Variants in TFDP2 observed in about 807,000 individuals in gnomAD.
The protein encoded by TFDP2 is transcription factor Dp-2, also known as transcription factor Dp-2 (E2F dimerization partner 2).
TFDP2 carries 17 observed loss-of-function variants against 59.3 expected under a neutral mutation model. The ratio of observed to expected loss-of-function variants is 0.29; its 90% CI spans 0.20 to 0.43. TFDP2 has a LOEUF of 0.43. Among genes scored for constraint, TFDP2 ranks in the 20% least tolerant of loss-of-function variants. The probability of loss-of-function intolerance (pLI) is 1.00; values close to 1 mark genes in which losing one functional copy is unlikely to be tolerated. For synonymous variants in TFDP2, 180 were observed against 194.7 expected (o/e 0.92, Z 0.63); for missense variants, 391 against 528.8 (o/e 0.74, Z 2.56).
chr3:141,957,660 C>G (rs963867366), intron 11 of TFDP2, among the ~76,000 whole-genome samples: 1 of 152,112 alleles, frequency 6.6e-6, no homozygotes, highest in African/African-American at 2.4e-5. Flanking sequence ...ACTGATGGTG[C>G]TACAACATGA....
intron 3 of TFDP2, among the ~76,000 whole-genome samples, chr3:142,050,599 G>A (rs554245066): frequency 6.6e-6 from 1 of 152,162 alleles, no homozygotes; most frequent in East Asian, 1.9e-4. Context: ...GGGAGGCTGA[G>A]GCAGGGGAAT....
At chr3:142,044,199 G>A (rs983389622) in intron 3 of TFDP2, 2 of 386,768 alleles carry the variant, frequency 5.2e-6, no homozygotes, top group Non-Finnish European at 9.4e-6. Context: ...GCATACTCAT[G>A]GCTGCGGCGG....
intron 3 of TFDP2, among the ~76,000 whole-genome samples, chr3:142,054,667 C>T (rs2108498636): frequency 6.6e-6 from 1 of 152,058 alleles, no homozygotes; most frequent in East Asian, 1.9e-4. Flanking sequence ...ATGAAGTCAA[C>T]ATACCTAGGT....
At chr3:141,977,158 C>T (rs1283974715) in intron 7 of TFDP2, among the ~76,000 whole-genome samples, 47 of 131,450 alleles carry the variant, frequency 3.6e-4, no homozygotes, top group African/African-American at 1.2e-3. Flanking sequence ...CTTGCTTTGC[C>T]GCCCAGGCTG....
At chr3:142,125,453 C>T (rs1438935594) in intron 1 of TFDP2, among the ~76,000 whole-genome samples, 1 of 152,126 alleles carries the variant, frequency 6.6e-6, no homozygotes, top group East Asian at 1.9e-4. Flanking sequence ...ATACATCCTT[C>T]TATGAGCTTT....
chr3:141,984,980 T>C lies in TFDP2; in HGVS notation c.357-6298A>G, dbSNP rs185285593. Among the ~76,000 whole-genome samples the C allele has an allele frequency of 4.2e-4, 64 of 152,240 alleles. 1 individual carries two copies. The South Asian group carries it at 9.3e-3, about 22-fold the overall frequency. On this transcript the variant is annotated intron_variant, in intron 6 of 12. Coordinates refer to ENST00000489671, the MANE Select transcript of TFDP2 (RefSeq NM_001178139.2). Reference sequence around the variant, plus strand: ...GAGCAGGACTACCCCATAGGCAACGTGCCCAGAGTAGCCTGTTCTTCATTC... The same window carrying C: ...GAGCAGGACTACCCCATAGGCAACGCGCCCAGAGTAGCCTGTTCTTCATTC...
intron 7 of TFDP2, among the ~76,000 whole-genome samples, chr3:141,975,761 G>A (rs1221922054): frequency 1.3e-5 from 2 of 151,922 alleles, no homozygotes; most frequent in East Asian, 1.9e-4. Flanking sequence ...AGTACTGGGA[G>A]GAGGCAATGT....
intron 5 of TFDP2, 117 bp from the exon 6 acceptor site, chr3:141,993,702 C>G (rs556648547): frequency 7.8e-6 from 4 of 511,020 alleles, no homozygotes; most frequent in Non-Finnish European, 1.0e-5. Context: ...AAGACTAAAA[C>G]TAGCAAATAC....
intron 1 of TFDP2, among the ~76,000 whole-genome samples, chr3:142,116,657 C>T (rs1456891697): frequency 2.0e-5 from 3 of 152,202 alleles, no homozygotes. Context: ...AGGAAAGTAA[C>T]ACAATGGGTT....
chr3:142,111,064 T>A (rs2061639964), intron 1 of TFDP2, among the ~76,000 whole-genome samples: 1 of 152,164 alleles, frequency 6.6e-6, no homozygotes, highest in Non-Finnish European at 1.5e-5. Context: ...AAGGCATGCA[T>A]TAAATGACAA....
At chr3:142,037,331 A>T (rs75676521) in intron 3 of TFDP2, among the ~76,000 whole-genome samples, 8,642 of 152,238 alleles carry the variant, frequency 0.057, 305 homozygotes, top group Middle Eastern at 0.11. Context: ...AAATACAAAA[A>T]CATCATCAAC....
At chr3:142,028,817 G>A (rs1046416478) in intron 3 of TFDP2, 3 of 609,092 alleles carry the variant, frequency 4.9e-6, no homozygotes, top group South Asian at 1.4e-4. Flanking sequence ...ATTGAAAAGT[G>A]CAGGTCTTAG....
chr3:142,077,520 T>G (rs930072318), intron 3 of TFDP2, among the ~76,000 whole-genome samples: 2 of 152,016 alleles, frequency 1.3e-5, no homozygotes, highest in Non-Finnish European at 2.9e-5. Context: ...CCTGGCAGAA[T>G]CATGAGCCCA....
rs1936051358 is a variant in TFDP2 at position 141,952,604 on chromosome 3, G to A, written c.1250C>T (p.Ser417Phe). ...PNSHQSSSAA[S>F]HCSESRGETP... ...CTCGCCTCGGGACTCGGAGCAGTGA[G>A]AGGCCGCACTGCTGGACTGGTGACT... The change falls in exon 13 of 13, where the codon TCT (serine) becomes TTT (phenylalanine). Residue 417 changes from serine (S) to phenylalanine (F), a missense_variant. Physicochemically the swap from Ser to Phe is radical, Grantham distance 155. Transcript: ENST00000489671. 6.3e-7 allele frequency: 1 copy of A among 1,581,048 alleles called. No individual in the cohort carries two copies. The highest frequency in any genetic ancestry group is 2.1e-5 in the Admixed American group (1 of 47,548).
At chr3:141,963,442 A>G in intron 10 of TFDP2, among the ~76,000 whole-genome samples, 1 of 152,218 alleles carries the variant, frequency 6.6e-6, no homozygotes, top group East Asian at 1.9e-4. Context: ...TTTCCGTAAT[A>G]AACTATGACG....
intron 3 of TFDP2, among the ~76,000 whole-genome samples, chr3:142,076,994 C>T (rs938894890): frequency 5.3e-5 from 8 of 152,134 alleles, no homozygotes; most frequent in African/African-American, 1.9e-4. Context: ...CTTCCCTATC[C>T]CCTGGCAGCA....
intron 1 of TFDP2, among the ~76,000 whole-genome samples, chr3:142,102,973 C>A (rs943800319): frequency 2.6e-5 from 4 of 152,186 alleles, no homozygotes; most frequent in Admixed American, 6.5e-5. Context: ...CAGCGGCTCA[C>A]GCCTGTAATC....
intron 3 of TFDP2, among the ~76,000 whole-genome samples, chr3:142,048,010 G>A (rs185303994): frequency 1.3e-5 from 2 of 152,162 alleles, no homozygotes; most frequent in Admixed American, 6.5e-5. Flanking sequence ...CCAAAGTGTT[G>A]GGATTACAGG....
At chr3:142,118,698 CT>C (rs2061931485) in intron 1 of TFDP2, among the ~76,000 whole-genome samples, 1 of 151,446 alleles carries the variant, frequency 6.6e-6, no homozygotes, top group Non-Finnish European at 1.5e-5. Context: ...TGAACGAAAA[CT>C]TAATAAAAGA....
Sources: gnomAD v4.1 joint callset for allele counts (sites outside exome capture counted in the v4.1 genomes callset) on GRCh38, gnomAD v4.1.1 for gene constraint, MANE v1.5 for transcripts, NCBI Gene and HGNC (gene_info 2026-07-23, HGNC 2026-07-21) for gene names.